PCDH15: variants seen among roughly 807,000 people sequenced by gnomAD.
PCDH15 encodes protocadherin-15.
A neutral mutation model predicts 178.5 loss-of-function variants in PCDH15; 129 were observed. The ratio of observed to expected loss-of-function variants is 0.72; its 90% CI spans 0.63 to 0.84. The LOEUF (loss-of-function observed/expected upper bound fraction) is 0.84, where lower values mean the gene tolerates loss of function less well. Among genes scored for constraint, PCDH15 ranks in the 40% least tolerant of loss-of-function variants. The pLI is 0.00. For missense variants in PCDH15, 2,230 were observed against 2,099.9 expected, an observed-to-expected ratio of 1.06 and a Z score of -1.21; for synonymous variants, 800 against 732.0, an observed-to-expected ratio of 1.09 and a Z score of -1.50.
chr10:55,457,942 G>C (rs903820022), intron 2 of PCDH15, among the ~76,000 whole-genome samples: 2 of 152,020 alleles, frequency 1.3e-5, no homozygotes, highest in Admixed American at 6.6e-5. Context: ...AGTTTTCTTA[G>C]ATATTTAGAA....
intron 2 of PCDH15, among the ~76,000 whole-genome samples, chr10:55,555,957 C>T (rs772920546): frequency 5.3e-5 from 8 of 152,024 alleles, no homozygotes; most frequent in Admixed American, 2.6e-4. Flanking sequence ...CATTCAGATA[C>T]CTTTTTTACT....
chr10:54,500,099 G>A (rs183037687), intron 3 of PCDH15, among the ~76,000 whole-genome samples: 86 of 152,210 alleles, frequency 5.7e-4, no homozygotes, highest in Non-Finnish European at 9.3e-4. Flanking sequence ...ATACAGCATG[G>A]AATACTATGC....
intron 7 of PCDH15, among the ~76,000 whole-genome samples, chr10:54,327,348 A>G (rs1238553918): frequency 6.6e-6 from 1 of 151,360 alleles, no homozygotes; most frequent in African/African-American, 2.4e-5. Flanking sequence ...ACTTTTCCCC[A>G]TATCTACAGT....
intron 2 of PCDH15, among the ~76,000 whole-genome samples, chr10:54,968,422 C>T (rs1171490001): frequency 7.0e-6 from 1 of 142,292 alleles, no homozygotes; most frequent in Non-Finnish European, 1.5e-5. Context: ...TTTTTACAGA[C>T]TATGGTTTAT....
chr10:54,766,042 C>T (rs985152219), intron 1 of PCDH15, among the ~76,000 whole-genome samples: 1 of 151,966 alleles, frequency 6.6e-6, no homozygotes, highest in African/African-American at 2.4e-5. Context: ...TGTGCAGTGT[C>T]TTTGTGTGAA....
At chr10:55,202,522 CATTTCT>C (rs1840279731) in intron 1 of PCDH15, among the ~76,000 whole-genome samples, 1 of 152,136 alleles carries the variant, frequency 6.6e-6, no homozygotes, top group African/African-American at 2.4e-5. Flanking sequence ...CTGCAAACCA[CATTTCT>C]ATTCATTAAT....
chr10:55,110,001 A>C (rs1231939873), intron 2 of PCDH15, among the ~76,000 whole-genome samples: 1 of 151,548 alleles, frequency 6.6e-6, no homozygotes, highest in Non-Finnish European at 1.5e-5. Flanking sequence ...ATTGAAATCT[A>C]TGCATAAAGG....
At chr10:53,828,475 G>T in intron 31 of PCDH15, 90 bp downstream of exon 31, 3 of 1,111,798 alleles carry the variant, frequency 2.7e-6, no homozygotes, top group East Asian at 2.4e-5. Flanking sequence ...ATAAGATGTG[G>T]TTCTGAGCAG....
chr10:54,347,995 C>T (rs1943578972), intron 5 of PCDH15, among the ~76,000 whole-genome samples: 1 of 151,658 alleles, frequency 6.6e-6, no homozygotes, highest in African/African-American at 2.4e-5. Context: ...ACCACAGGCG[C>T]CCACCACCAC....
chr10:54,686,295 G>C (rs766207796), intron 1 of PCDH15, among the ~76,000 whole-genome samples: 2 of 151,874 alleles, frequency 1.3e-5, no homozygotes, highest in Non-Finnish European at 2.9e-5. Context: ...AAGTTCAAAG[G>C]CCATTTAATA....
At chr10:55,011,849 G>C (rs1840053908) in intron 2 of PCDH15, among the ~76,000 whole-genome samples, 1 of 152,012 alleles carries the variant, frequency 6.6e-6, no homozygotes, top group Non-Finnish European at 1.5e-5. Flanking sequence ...CTCAAAAAAT[G>C]GCATGATGAG....
intron 2 of PCDH15, among the ~76,000 whole-genome samples, chr10:54,573,681 A>G (rs1424363318): frequency 1.1e-5 from 1 of 91,910 alleles, no homozygotes; most frequent in African/African-American, 3.8e-5. Flanking sequence ...CACAGCTTCT[A>G]TTAGGTAGCC....
chr10:54,458,101 T>C (rs555710191), intron 3 of PCDH15, among the ~76,000 whole-genome samples: 57 of 152,306 alleles, frequency 3.7e-4, no homozygotes, highest in Admixed American at 8.5e-4. Context: ...TTAAAGGATT[T>C]CTTTCCATAT....
At chr10:54,394,244 C>T (rs866784086) in intron 3 of PCDH15, among the ~76,000 whole-genome samples, 1 of 151,996 alleles carries the variant, frequency 6.6e-6, no homozygotes, top group Non-Finnish European at 1.5e-5. Flanking sequence ...GAATATGTTG[C>T]ATTATATGTA....
At chr10:54,982,167 T>A (rs967511448) in intron 2 of PCDH15, among the ~76,000 whole-genome samples, 14 of 152,102 alleles carry the variant, frequency 9.2e-5, no homozygotes, top group African/African-American at 3.4e-4. Context: ...GCATAGGGTA[T>A]CTTTCAATAA....
chr10:54,549,295 A>G (rs571127532), intron 2 of PCDH15, among the ~76,000 whole-genome samples: 4 of 151,798 alleles, frequency 2.6e-5, no homozygotes, highest in Non-Finnish European at 4.4e-5. Flanking sequence ...TTCAACCATG[A>G]GAAGTTAAGG....
chr10:54,247,122 G>T (rs542168581), intron 8 of PCDH15, among the ~76,000 whole-genome samples: 281 of 151,906 alleles, frequency 1.8e-3, no homozygotes, highest in Non-Finnish European at 2.9e-3. Context: ...TCAAAGAAAA[G>T]TTTCTAATTT....
At chr10:54,802,193 A>G (rs1264969390), upstream of PCDH15, among the ~76,000 whole-genome samples, 1 of 152,200 alleles carries the variant, frequency 6.6e-6, no homozygotes, top group Non-Finnish European at 1.5e-5. Flanking sequence ...CTAGGATGAT[A>G]CATTAACTCT....
At chr10:55,173,649 G>A (rs1046206822) in intron 1 of PCDH15, among the ~76,000 whole-genome samples, 2 of 151,970 alleles carry the variant, frequency 1.3e-5, no homozygotes, top group Non-Finnish European at 2.9e-5. Context: ...AGTTATTAGA[G>A]ATATTTATTG....
Sources: allele counts gnomAD v4.1 joint callset (sites outside exome capture counted in the v4.1 genomes callset), GRCh38; gene constraint gnomAD v4.1.1; transcripts MANE v1.5; gene names NCBI Gene and HGNC (gene_info 2026-07-23, HGNC 2026-07-21).